PPP4R3B: variants seen among roughly 807,000 people sequenced by gnomAD.
The protein encoded by PPP4R3B is protein phosphatase 4 regulatory subunit 3B.
Under a neutral mutation model 95.4 loss-of-function variants are expected in PPP4R3B, and 52 were observed. The observed-to-expected ratio is 0.54, with a 90% CI of 0.44 to 0.69. The LOEUF (loss-of-function observed/expected upper bound fraction) is 0.69, where lower values mean the gene tolerates loss of function less well. Ranked by LOEUF, PPP4R3B falls within the 30% of genes least tolerant of loss-of-function variation. The probability of loss-of-function intolerance (pLI) is 0.00; values close to 1 mark genes in which losing one functional copy is unlikely to be tolerated. For missense variants in PPP4R3B, 1,003 were observed against 1,005.9 expected, an observed-to-expected ratio of 1.00 and a Z score of 0.04; for synonymous variants, 407 against 343.9, an observed-to-expected ratio of 1.18 and a Z score of -2.03.
At chr2:55,570,380 A>G (rs1687854951) in intron 12 of PPP4R3B, among the ~76,000 whole-genome samples, 1 of 152,254 alleles carries the variant, frequency 6.6e-6, no homozygotes, top group Non-Finnish European at 1.5e-5. Context: ...GTATTTGTTA[A>G]AAGTAAAACA....
At chr2:55,577,041 T>A (rs1385299074) in intron 11 of PPP4R3B, among the ~76,000 whole-genome samples, 1 of 152,170 alleles carries the variant, frequency 6.6e-6, no homozygotes, top group African/African-American at 2.4e-5. Context: ...TTACTACATT[T>A]CAAAAATAAG....
intron 4 of PPP4R3B, among the ~76,000 whole-genome samples, chr2:55,590,271 G>A (rs1401209683): frequency 6.6e-6 from 1 of 151,942 alleles, no homozygotes; most frequent in African/African-American, 2.4e-5. Flanking sequence ...AGGTTGCAGT[G>A]AGCCGAGATT....
chr2:55,603,406 T>A (rs1211934802), intron 3 of PPP4R3B, among the ~76,000 whole-genome samples: 1 of 152,216 alleles, frequency 6.6e-6, no homozygotes, highest in Non-Finnish European at 1.5e-5. Context: ...GATATGTAAA[T>A]CAATATCCTA....
In PPP4R3B at chr2:55,549,134, G is replaced by A. The variant is rs1210306997; in HGVS notation, c.*777C>T. 1.3e-5 allele frequency: 2 copies of A among 152,170 alleles called. No individual in the cohort carries two copies. The highest frequency in any genetic ancestry group is 2.4e-5 in the African/African-American group (1 of 41,428). 9.4% of individuals were successfully genotyped at this position (152,170 alleles called of 1,614,324 possible). A position where few individuals can be genotyped will look rare whatever the true frequency, so the allele number is the denominator to read the frequency against. On this transcript the variant is annotated 3_prime_UTR_variant, in exon 17 of 17. Coordinates refer to ENST00000616407, the MANE Select transcript of PPP4R3B (RefSeq NM_001122964.3). ...TCCACAAAAGATTGTACTGGTAGGC[G>A]GTTGACAACATTCTGTTCGATCTAC...
chr2:55,600,319 G>C (rs570137962), intron 3 of PPP4R3B, among the ~76,000 whole-genome samples: 2 of 150,898 alleles, frequency 1.3e-5, no homozygotes, highest in African/African-American at 4.9e-5. Flanking sequence ...CCAGCTACTC[G>C]AGAGGCTGAG....
In PPP4R3B at chr2:55,581,924, G is replaced by A. The variant is rs546390800; in HGVS notation, c.1234-226C>T. 4.7e-5 allele frequency among the ~76,000 whole-genome samples: 7 copies of A among 150,458 alleles called. No individual in the cohort carries two copies. The South Asian group carries it at 1.5e-3, about 32-fold the overall frequency. On this transcript the variant is annotated intron_variant, in intron 7 of 16. Coordinates refer to ENST00000616407, the MANE Select transcript of PPP4R3B (RefSeq NM_001122964.3). ...CCGAGAAAAAAAAAAGAAGAAGGAG[G>A]AAAAAAAACCCACAAAAGCAGAGCA...
chr2:55,563,151 A>C (rs921199985), intron 15 of PPP4R3B, among the ~76,000 whole-genome samples: 11 of 152,364 alleles, frequency 7.2e-5, no homozygotes, highest in Admixed American at 6.5e-4. Flanking sequence ...TGTCTAGCAA[A>C]GGTACCGATT....
rs1410767725 is a variant in PPP4R3B, at chr2:55,564,904, G to C, written c.2073C>G (p.Asn691Lys). Residue 691 changes from asparagine to lysine, a missense_variant and splice_region_variant, in exon 14 of 17, where the codon AAC becomes AAG. Transcript: ENST00000616407. ...AAAGCAGTATACTTAAACAATACCT[G>C]TTCAGTTTCTGATTTTGTCTGTCTT... ...QEKDRQNQKL[N>K]SVPSILRSNR... The C allele has an allele frequency of 1.2e-6, 2 of 1,609,228 alleles. No individual in the cohort carries two copies. The highest frequency in any genetic ancestry group is 2.2e-5 in the South Asian group (2 of 89,948).
intron 3 of PPP4R3B, among the ~76,000 whole-genome samples, chr2:55,602,129 G>T (rs1000513191): frequency 1.3e-5 from 2 of 152,116 alleles, no homozygotes; most frequent in Non-Finnish European, 2.9e-5. Context: ...AGAAATCAAA[G>T]CAGTACAAAA....
intron 15 of PPP4R3B, among the ~76,000 whole-genome samples, chr2:55,563,088 C>G (rs1169695031): frequency 6.6e-6 from 1 of 152,192 alleles, no homozygotes; most frequent in Non-Finnish European, 1.5e-5. Context: ...GCTGTACTGC[C>G]TCTTTTGACA....
chr2:55,583,726 A>C (rs932926750), intron 7 of PPP4R3B, among the ~76,000 whole-genome samples: 1 of 152,238 alleles, frequency 6.6e-6, no homozygotes, highest in African/African-American at 2.4e-5. Flanking sequence ...TTGACATTGC[A>C]GCATTAGCCC....
chr2:55,569,418 TTG>T (rs1206282692), intron 12 of PPP4R3B, among the ~76,000 whole-genome samples: 2 of 152,196 alleles, frequency 1.3e-5, no homozygotes, highest in African/African-American at 2.4e-5. Flanking sequence ...AGAGGCCTAA[TTG>T]TTTCCCTGTG....
intron 2 of PPP4R3B, among the ~76,000 whole-genome samples, chr2:55,612,123 C>T (rs1175771636): frequency 6.6e-6 from 1 of 152,132 alleles, no homozygotes; most frequent in African/African-American, 2.4e-5. Flanking sequence ...CTAATGGAAA[C>T]AAAAAATTTA....
intron 3 of PPP4R3B, among the ~76,000 whole-genome samples, chr2:55,599,310 C>T (rs1034444725): frequency 4.0e-5 from 6 of 151,884 alleles, no homozygotes; most frequent in Non-Finnish European, 7.4e-5. Context: ...TGGTGGCATA[C>T]GCCTGTAATC....
At chr2:55,604,207 C>G (rs970998916) in intron 2 of PPP4R3B, 131 bp from the exon 3 acceptor site, 2 of 516,434 alleles carry the variant, frequency 3.9e-6, no homozygotes, top group Non-Finnish European at 3.3e-6. Context: ...CAATGTATAT[C>G]TGATTGGCAT....
chr2:55,562,370 C>T (rs535311769), intron 15 of PPP4R3B, among the ~76,000 whole-genome samples: 4 of 152,152 alleles, frequency 2.6e-5, no homozygotes, highest in East Asian at 1.9e-4. Flanking sequence ...TGCAGTGAGC[C>T]GAGATCACGC....
At chr2:55,550,457 T>G (rs946600074) in intron 16 of PPP4R3B, among the ~76,000 whole-genome samples, 2 of 152,236 alleles carry the variant, frequency 1.3e-5, no homozygotes, top group Non-Finnish European at 2.9e-5. Context: ...GCTTTTGAAG[T>G]ACAGCTTAAA....
intron 7 of PPP4R3B, among the ~76,000 whole-genome samples, chr2:55,584,616 A>G (rs1689889914): frequency 6.6e-6 from 1 of 152,130 alleles, no homozygotes; most frequent in Non-Finnish European, 1.5e-5. Flanking sequence ...TCTATTCCTG[A>G]GTTACTGCAC....
chr2:55,575,818 C>A (rs536998215), intron 11 of PPP4R3B, among the ~76,000 whole-genome samples: 2 of 152,256 alleles, frequency 1.3e-5, no homozygotes, highest in East Asian at 3.9e-4. Flanking sequence ...TCATCTAGTA[C>A]AACTATTTTA....
Sources: gnomAD v4.1 joint callset for allele counts (sites outside exome capture counted in the v4.1 genomes callset) on GRCh38, gnomAD v4.1.1 for gene constraint, MANE v1.5 for transcripts, NCBI Gene and HGNC (gene_info 2026-07-23, HGNC 2026-07-21) for gene names.